Variants in RPS6KA2 observed in about 807,000 individuals in gnomAD.
RPS6KA2 encodes the protein ribosomal protein S6 kinase alpha-2.
RPS6KA2 carries 42 observed loss-of-function variants against 91.8 expected under a neutral mutation model. The observed-to-expected ratio is 0.46, with a 90% CI of 0.36 to 0.59. RPS6KA2 has a LOEUF of 0.59. Ranked by LOEUF, RPS6KA2 falls within the 20% of genes least tolerant of loss-of-function variation. The pLI is 0.00. For missense variants in RPS6KA2, 798 were observed against 978.5 expected, an observed-to-expected ratio of 0.82 and a Z score of 2.46; for synonymous variants, 414 against 393.6, an observed-to-expected ratio of 1.05 and a Z score of -0.61.
chr6:166,479,771 C>T (rs1002919595), intron 10 of RPS6KA2, among the ~76,000 whole-genome samples: 1 of 152,210 alleles, frequency 6.6e-6, no homozygotes, highest in Non-Finnish European at 1.5e-5. Context: ...GGGAGAAGCA[C>T]CCGCTGTAGG....
chr6:166,676,098 CT>C (rs1297585874), intron 2 of RPS6KA2, among the ~76,000 whole-genome samples: 1 of 152,086 alleles, frequency 6.6e-6, no homozygotes, highest in African/African-American at 2.4e-5. Context: ...GGATGGATCA[CT>C]TGAGGTCAGG....
upstream of RPS6KA2, chr6:166,627,330 G>T (rs1786929734): frequency 3.2e-6 from 2 of 629,758 alleles, no homozygotes; most frequent in Non-Finnish European, 4.0e-6. Context: ...TCCGCGCCCC[G>T]GCACGCACAC....
At chr6:166,790,412 G>C (rs966245045) in intron 2 of RPS6KA2, among the ~76,000 whole-genome samples, 3 of 152,212 alleles carry the variant, frequency 2.0e-5, no homozygotes, top group Non-Finnish European at 4.4e-5. Context: ...GTGATGGGGA[G>C]AATGGAACCA....
At chr6:166,518,067 C>A (rs1782718937) in intron 3 of RPS6KA2, among the ~76,000 whole-genome samples, 2 of 152,050 alleles carry the variant, frequency 1.3e-5, no homozygotes, top group South Asian at 2.1e-4. Context: ...GGGTTAGGGT[C>A]TCCACCACTG....
At chr6:166,416,870 C>T (rs1382210966) in intron 19 of RPS6KA2, among the ~76,000 whole-genome samples, 1 of 151,934 alleles carries the variant, frequency 6.6e-6, no homozygotes. Flanking sequence ...TACACCATCA[C>T]CTCCATCATC....
At chr6:166,515,522 G>A (rs1468515798) in intron 3 of RPS6KA2, among the ~76,000 whole-genome samples, 1 of 152,200 alleles carries the variant, frequency 6.6e-6, no homozygotes, top group Non-Finnish European at 1.5e-5. Context: ...CTGCAGTTAT[G>A]CACCAGAGAG....
intron 5 of RPS6KA2, among the ~76,000 whole-genome samples, chr6:166,507,182 T>C (rs1009685710): frequency 6.6e-6 from 1 of 152,070 alleles, no homozygotes; most frequent in African/African-American, 2.4e-5. Flanking sequence ...AGTGAGACCC[T>C]GTGAGAGTCT....
intron 1 of RPS6KA2, among the ~76,000 whole-genome samples, chr6:166,617,999 G>A (rs3778373): frequency 0.15 from 22,573 of 152,268 alleles, 1,716 homozygotes; most frequent in Non-Finnish European, 0.17. Flanking sequence ...GGGAGAACCC[G>A]TGTGCTCTGT....
chr6:166,716,591 C>G (rs1210889927), intron 2 of RPS6KA2, among the ~76,000 whole-genome samples: 1 of 152,228 alleles, frequency 6.6e-6, no homozygotes, highest in Non-Finnish European at 1.5e-5. Flanking sequence ...AAACGTCCCT[C>G]TGCACTGCAC....
chr6:166,545,631 G>C (rs1783802256), intron 1 of RPS6KA2, among the ~76,000 whole-genome samples: 1 of 152,032 alleles, frequency 6.6e-6, no homozygotes, highest in Admixed American at 6.5e-5. Context: ...GTTCATTTTA[G>C]TGACTGAGGA....
At chr6:166,776,057 G>C (rs1778609105) in intron 2 of RPS6KA2, among the ~76,000 whole-genome samples, 1 of 152,198 alleles carries the variant, frequency 6.6e-6, no homozygotes, top group Non-Finnish European at 1.5e-5. Flanking sequence ...AGCCACAGCG[G>C]TGCTGGAGAG....
intron 2 of RPS6KA2, among the ~76,000 whole-genome samples, chr6:166,776,632 G>A (rs763679763): frequency 7.2e-5 from 11 of 152,168 alleles, no homozygotes; most frequent in Non-Finnish European, 1.6e-4. Flanking sequence ...CACCTGCTCT[G>A]GGCATTTGGT....
intron 2 of RPS6KA2, among the ~76,000 whole-genome samples, chr6:166,819,017 G>T (rs1042562963): frequency 6.6e-6 from 1 of 152,004 alleles, no homozygotes; most frequent in African/African-American, 2.4e-5. Context: ...GACTATGGGG[G>T]TGTCAGCCTT....
rs184304745 is a variant in RPS6KA2 at position 166,657,940 on chromosome 6, G to C, written c.124-119156C>G. 1.8e-4 allele frequency among the ~76,000 whole-genome samples: 28 copies of C among 152,338 alleles called. 1 individual carries two copies. The East Asian group carries it at 5.0e-3, about 27-fold the overall frequency. On this transcript the variant is annotated intron_variant, in intron 2 of 21. Coordinates refer to the RPS6KA2 transcript ENST00000503859. ...ACCCTGTCACCCAGGCTGGAGTGCA[G>C]TGGCGAGATCTCGGCTCACCGCAAC... is the stretch of plus-strand genomic sequence containing the variant.
chr6:166,651,414 T>C (rs1582987352), intron 2 of RPS6KA2, among the ~76,000 whole-genome samples: 1 of 152,334 alleles, frequency 6.6e-6, no homozygotes, highest in East Asian at 1.9e-4. Context: ...AGTCAGAGAT[T>C]TGCAGTTGAT....
chr6:166,842,559 T>C (rs1266713925), intron 2 of RPS6KA2, among the ~76,000 whole-genome samples: 1 of 152,150 alleles, frequency 6.6e-6, no homozygotes, highest in Non-Finnish European at 1.5e-5. Context: ...AGCTGCCCGG[T>C]GCATGGAACT....
intron 1 of RPS6KA2, chr6:166,542,481 G>C (rs1436834581): frequency 6.6e-6 from 1 of 152,072 alleles, no homozygotes; most frequent in Non-Finnish European, 1.5e-5. Context: ...AGCTTTGGGA[G>C]GAGGAGCTGG....
chr6:166,708,586 G>A (rs1789758071), intron 2 of RPS6KA2, among the ~76,000 whole-genome samples: 1 of 152,200 alleles, frequency 6.6e-6, no homozygotes, highest in Non-Finnish European at 1.5e-5. Context: ...CCTGGCAAAA[G>A]CTAAGAAGTT....
At chr6:166,558,126 G>T (rs1480057627) in intron 1 of RPS6KA2, among the ~76,000 whole-genome samples, 2 of 151,710 alleles carry the variant, frequency 1.3e-5, no homozygotes, top group African/African-American at 4.9e-5. Flanking sequence ...ATGTGTATGT[G>T]TGTATTACAT....
Sources: allele counts gnomAD v4.1 joint callset (sites outside exome capture counted in the v4.1 genomes callset), GRCh38; gene constraint gnomAD v4.1.1; transcripts MANE v1.5; gene names NCBI Gene and HGNC (gene_info 2026-07-23, HGNC 2026-07-21).